SPAG16: variants seen among roughly 807,000 people sequenced by gnomAD.
SPAG16 encodes the protein sperm-associated antigen 16 protein.
Under a neutral mutation model 80.4 loss-of-function variants are expected in SPAG16, and 86 were observed. The observed-to-expected ratio is 1.07, with a 90% confidence interval of 0.90 to 1.28. The LOEUF is 1.28. SPAG16 is among the 50% of genes most tolerant of loss of function. SPAG16 has a pLI of 0.00. For missense variants in SPAG16, 870 were observed against 765.3 expected, an observed-to-expected ratio of 1.14 and a Z score of -1.61; for synonymous variants, 294 against 265.9, an observed-to-expected ratio of 1.11 and a Z score of -1.03.
chr2:214,290,397 ATTTC>A (rs35528975), intron 15 of SPAG16, among the ~76,000 whole-genome samples: 54,313 of 151,014 alleles, frequency 0.36, 9,969 homozygotes, highest in East Asian at 0.54. Flanking sequence ...GATATTTACT[ATTTC>A]TTTCCTTCTG....
chr2:213,557,706 T>A (rs1027514581), intron 10 of SPAG16, among the ~76,000 whole-genome samples: 1 of 152,152 alleles, frequency 6.6e-6, no homozygotes, highest in Non-Finnish European at 1.5e-5. Flanking sequence ...TCCCACCTCA[T>A]CTTCCTGAGT....
intron 10 of SPAG16, among the ~76,000 whole-genome samples, chr2:213,842,868 A>G (rs2074430218): frequency 6.6e-6 from 1 of 152,174 alleles, no homozygotes; most frequent in East Asian, 1.9e-4. Context: ...CTAGACTCAA[A>G]CTTCCTCCTG....
chr2:213,734,777 C>A (rs570690203), intron 10 of SPAG16, among the ~76,000 whole-genome samples: 2 of 152,004 alleles, frequency 1.3e-5, no homozygotes, highest in Non-Finnish European at 2.9e-5. Flanking sequence ...ATAAGCCAGA[C>A]AATATGCTAT....
chr2:214,372,901 A>G (rs2126091699), intron 15 of SPAG16, among the ~76,000 whole-genome samples: 1 of 152,268 alleles, frequency 6.6e-6, no homozygotes, highest in East Asian at 1.9e-4. Flanking sequence ...TAAAACTTGT[A>G]TTGAAATGGA....
chr2:213,976,085 T>C (rs2045355303), intron 12 of SPAG16, among the ~76,000 whole-genome samples: 2 of 139,508 alleles, frequency 1.4e-5, no homozygotes, highest in Non-Finnish European at 3.1e-5. Flanking sequence ...TTCCTAAGAG[T>C]GAGTGATCTA....
At chr2:214,259,673 C>T (rs971152597) in intron 15 of SPAG16, among the ~76,000 whole-genome samples, 4 of 151,566 alleles carry the variant, frequency 2.6e-5, no homozygotes, top group African/African-American at 4.9e-5. Flanking sequence ...GTTTTGTTTT[C>T]GTCTCCGGTT....
intron 11 of SPAG16, among the ~76,000 whole-genome samples, chr2:213,893,563 G>A (rs2076872238): frequency 6.6e-6 from 1 of 152,052 alleles, no homozygotes; most frequent in Non-Finnish European, 1.5e-5. Flanking sequence ...ACAACAAAGA[G>A]CCAAAATGTA....
chr2:214,164,822 G>T (rs933719105), intron 15 of SPAG16, among the ~76,000 whole-genome samples: 2 of 152,116 alleles, frequency 1.3e-5, no homozygotes, highest in Non-Finnish European at 2.9e-5. Flanking sequence ...TAAAGACATG[G>T]TGGGACTTAA....
intron 10 of SPAG16, among the ~76,000 whole-genome samples, chr2:213,767,767 T>A (rs1414277907): frequency 1.3e-5 from 2 of 152,070 alleles, no homozygotes; most frequent in Non-Finnish European, 2.9e-5. Context: ...CTTTCTCCAC[T>A]GGAATAACTT....
intron 12 of SPAG16, among the ~76,000 whole-genome samples, chr2:214,012,303 TTTTTTTC>T (rs1336168302): frequency 8.5e-5 from 10 of 118,228 alleles, no homozygotes; most frequent in Admixed American, 4.4e-4. Context: ...TTTTTTTTTT[TTTTTTTC>T]CTCGAGAGGG....
At chr2:214,099,090 C>G (rs1244247437) in intron 13 of SPAG16, among the ~76,000 whole-genome samples, 1 of 151,900 alleles carries the variant, frequency 6.6e-6, no homozygotes, top group Non-Finnish European at 1.5e-5. Flanking sequence ...GGTTTAAAAC[C>G]CACTCTGATT....
At chr2:213,479,094 C>CTTTTTTTTTTTTTT (rs148476714) in intron 9 of SPAG16, among the ~76,000 whole-genome samples, 1 of 94,344 alleles carries the variant, frequency 1.1e-5, no homozygotes, top group Non-Finnish European at 1.9e-5. Context: ...CACTGGCTTC[C>CTTTTTTTTTTTTTT]TTTTTTTTTT....
At chr2:214,400,983 TA>T (rs1471705038) in intron 15 of SPAG16, among the ~76,000 whole-genome samples, 2 of 152,058 alleles carry the variant, frequency 1.3e-5, no homozygotes, top group Non-Finnish European at 2.9e-5. Flanking sequence ...ATATACATAG[TA>T]AAAAATGCTG....
Position 213,563,402 on chromosome 2 carries a change from G to A in SPAG16, c.1070+73312G>A, listed in dbSNP as rs115816859. ...GTCATAACAATATACTATAGACTAG[G>A]TGGCTTTAATAACAGACATTAATTT... On this transcript the variant is annotated intron_variant, in intron 10 of 15. Transcript: ENST00000331683. Among the ~76,000 whole-genome samples, 110 of 152,238 alleles carry A rather than the reference G, an allele frequency of 7.2e-4. 2 individuals are homozygous for A. Among genetic ancestry groups the A allele is most frequent in the Middle Eastern group, 3.4e-3 (1 of 294 alleles).
chr2:213,753,303 C>T (rs1030527206), intron 10 of SPAG16, among the ~76,000 whole-genome samples: 4 of 152,076 alleles, frequency 2.6e-5, no homozygotes, highest in Non-Finnish European at 5.9e-5. Flanking sequence ...TGAGCTGCTG[C>T]GCCCAGCCTA....
chr2:213,630,553 A>T (rs1393999712), intron 10 of SPAG16, among the ~76,000 whole-genome samples: 2 of 152,186 alleles, frequency 1.3e-5, no homozygotes, highest in Non-Finnish European at 2.9e-5. Flanking sequence ...ACAGTTCAAA[A>T]AAAGTAATTC....
chr2:214,278,851 C>T (rs776973405), intron 15 of SPAG16, among the ~76,000 whole-genome samples: 17 of 152,116 alleles, frequency 1.1e-4, no homozygotes, highest in Non-Finnish European at 2.1e-4. Flanking sequence ...CTTCAGAAAA[C>T]AAGATTCACA....
intron 3 of SPAG16, 62 bp downstream of exon 3, chr2:213,297,419 G>T: frequency 9.9e-7 from 1 of 1,005,426 alleles, no homozygotes; most frequent in South Asian, 1.5e-5. Context: ...TATGAAGTTT[G>T]GAAAGTCTTT....
At position 214,196,652 on chromosome 2, in the gene SPAG16, C is replaced by A. The variant is rs577622504; in HGVS notation, c.1720+47386C>A. 2.0e-5 allele frequency among the ~76,000 whole-genome samples: 3 copies of A among 152,106 alleles called. No individual in the cohort carries two copies. In the East Asian group the frequency reaches 5.8e-4, roughly 29 times the overall value. On this transcript the variant is annotated intron_variant, in intron 15 of 15. Transcript: ENST00000331683. The stretch of plus-strand genomic sequence containing the variant: ...AAAGAGTGAAACACAAAGAGTGAAA[C>A]CAGTCTATATGCCTGTTACATTATT...
Sources: gnomAD v4.1 joint callset for allele counts (sites outside exome capture counted in the v4.1 genomes callset) on GRCh38, gnomAD v4.1.1 for gene constraint, MANE v1.5 for transcripts, NCBI Gene and HGNC (gene_info 2026-07-23, HGNC 2026-07-21) for gene names.